Variants in DNAI3 observed in about 807,000 individuals in gnomAD.
The protein encoded by DNAI3 is dynein axonemal intermediate chain 3.
Under a neutral mutation model 115.5 loss-of-function variants are expected in DNAI3, and 83 were observed. The observed-to-expected ratio is 0.72, with a 90% CI of 0.60 to 0.86. The LOEUF (loss-of-function observed/expected upper bound fraction) is 0.86, where lower values mean the gene tolerates loss of function less well. Ranked by LOEUF, DNAI3 falls within the 40% of genes least tolerant of loss-of-function variation. The pLI is 0.00. For synonymous variants in DNAI3, 320 were observed against 347.0 expected, an observed-to-expected ratio of 0.92 and a Z score of 0.86; for missense variants, 1,004 against 1,075.8, an observed-to-expected ratio of 0.93 and a Z score of 0.93.
intron 17 of DNAI3, among the ~76,000 whole-genome samples, chr1:85,120,080 A>C (rs1028302821): frequency 6.6e-6 from 1 of 152,174 alleles, no homozygotes; most frequent in African/African-American, 2.4e-5. Flanking sequence ...CTCATCCCTC[A>C]ACAGATACTC....
In DNAI3 at chr1:85,078,913, G is replaced by T. The variant is rs998361436; in HGVS notation, c.104-2321G>T. ...AATTAGTGTGAAAGGATCATTTTTT[G>T]TGTGTGAAAAATATCAAGCCAGTAG... On this transcript the variant is annotated intron_variant, in intron 3 of 22. Coordinates refer to ENST00000294664, the MANE Select transcript of DNAI3 (RefSeq NM_145172.5). Among the ~76,000 whole-genome samples the T allele has an allele frequency of 1.2e-4, 18 of 152,312 alleles. 1 individual carries two copies. The highest frequency in any genetic ancestry group is 3.6e-4 in the African/African-American group (15 of 41,580).
chr1:85,069,198 C>A (rs577094500), intron 1 of DNAI3, among the ~76,000 whole-genome samples: 3 of 152,238 alleles, frequency 2.0e-5, no homozygotes, highest in Middle Eastern at 3.4e-3. Context: ...CTTAAATATG[C>A]CAGGCATGAT....
At chr1:85,126,738 A>G in intron 20 of DNAI3, 23 bp downstream of exon 20, 1 of 1,613,102 alleles carries the variant, frequency 6.2e-7, no homozygotes, top group Non-Finnish European at 8.5e-7. Context: ...TAACTAAATA[A>G]GCTAAGTCAT....
At chr1:85,095,858 C>T in intron 10 of DNAI3, 73 bp from the exon 11 acceptor site, 1 of 1,411,436 alleles carries the variant, frequency 7.1e-7, no homozygotes, top group Non-Finnish European at 1.0e-6. Context: ...TTTTAACTGT[C>T]TTAATATTAT....
chr1:85,105,290 G>T (rs189010181), intron 14 of DNAI3, among the ~76,000 whole-genome samples: 40 of 152,220 alleles, frequency 2.6e-4, no homozygotes, highest in Middle Eastern at 3.4e-3. Flanking sequence ...AGCATGTGTT[G>T]GGGAAGATTC....
chr1:85,064,771 G>A (rs1654042746), intron 1 of DNAI3, among the ~76,000 whole-genome samples: 3 of 152,030 alleles, frequency 2.0e-5, no homozygotes, highest in African/African-American at 4.8e-5. Flanking sequence ...AGTGACTCAC[G>A]CCTGTAATCC....
chr1:85,088,360 C>G (rs1654860113), intron 7 of DNAI3, among the ~76,000 whole-genome samples: 1 of 151,840 alleles, frequency 6.6e-6, no homozygotes. Flanking sequence ...ACAATTTTTT[C>G]AAAGAATTAA....
intron 8 of DNAI3, among the ~76,000 whole-genome samples, chr1:85,093,108 G>A (rs1456713822): frequency 6.6e-6 from 1 of 152,154 alleles, no homozygotes; most frequent in Non-Finnish European, 1.5e-5. Flanking sequence ...TACTCAGCAG[G>A]AGCTCCAGAG....
intron 1 of DNAI3, among the ~76,000 whole-genome samples, chr1:85,068,615 A>C (rs1203729931): frequency 1.3e-5 from 2 of 152,186 alleles, no homozygotes; most frequent in Non-Finnish European, 2.9e-5. Context: ...GTAACTTCTC[A>C]GCTCAAAACC....
At chr1:85,072,738 A>G (rs548331264) in intron 2 of DNAI3, among the ~76,000 whole-genome samples, 36 of 151,538 alleles carry the variant, frequency 2.4e-4, no homozygotes, top group African/African-American at 2.9e-4. Context: ...GACGGATCAC[A>G]AGGTCAGGAG....
At position 85,099,379 on chromosome 1, in the gene DNAI3, G is replaced by T. The variant is rs573685550; in HGVS notation, c.1479+721G>T. 78 of 657,070 alleles carry T rather than the reference G, an allele frequency of 1.2e-4. No individual in the cohort carries two copies. In the Middle Eastern group the frequency reaches 3.1e-3, roughly 26 times the overall value. The allele number at this position is 657,070 out of a possible 1,614,324, so 40.7% of individuals were successfully genotyped here. A position where few individuals can be genotyped will look rare whatever the true frequency, so the allele number is the denominator to read the frequency against. ...CATGAGTGAACTCCCATTCACAATTGCTTCAAAGAGAATAAAATACCTAGG... is the reference window on the plus strand; with the variant it reads ...CATGAGTGAACTCCCATTCACAATTTCTTCAAAGAGAATAAAATACCTAGG... On this transcript the variant is annotated intron_variant, in intron 13 of 22. Coordinates refer to ENST00000294664, the MANE Select transcript of DNAI3 (RefSeq NM_145172.5).
chr1:85,132,028 G>T lies in DNAI3; in HGVS notation c.2533-827G>T, dbSNP rs370213894. ...TCTCTGCAACTATGAATAGATTGTG[G>T]GTATGTGAATGAATTTGAAAGGGTT... is the stretch of plus-strand genomic sequence containing the variant. On this transcript the variant is annotated intron_variant, in intron 22 of 22. Transcript: ENST00000294664. 1.7e-4 allele frequency among the ~76,000 whole-genome samples: 26 copies of T among 152,212 alleles called. No homozygotes were observed. In the East Asian group the frequency reaches 5.0e-3, roughly 29 times the overall value.
At chr1:85,086,494 C>G (rs1322542277) in intron 7 of DNAI3, among the ~76,000 whole-genome samples, 1 of 152,178 alleles carries the variant, frequency 6.6e-6, no homozygotes, top group East Asian at 1.9e-4. Flanking sequence ...TGACGAGGAA[C>G]TGTCTGCCTC....
At chr1:85,118,135 CA>C (rs1201329164) in intron 17 of DNAI3, among the ~76,000 whole-genome samples, 1 of 152,064 alleles carries the variant, frequency 6.6e-6, no homozygotes, top group African/African-American at 2.4e-5. Context: ...ATACCTTTAT[CA>C]TTTGGAAGAA....
chr1:85,073,089 A>C lies in DNAI3; in HGVS notation c.100A>C (p.Met34Leu). 1 of 1,545,862 alleles carries C rather than the reference A, an allele frequency of 6.5e-7. No individual in the cohort carries two copies. The highest frequency in any genetic ancestry group is 8.7e-7 in the Non-Finnish European group (1 of 1,144,020). ...CATGGAACCAGTAAATATGGAGAGCATGGGTAAGTGGAAATATAATTTACA... is the reference window on the plus strand; with the variant it reads ...CATGGAACCAGTAAATATGGAGAGCCTGGGTAAGTGGAAATATAATTTACA... Reference protein sequence around the residue: ...EDMEPVNMESMGHPEIYPLVL... With the variant: ...EDMEPVNMESLGHPEIYPLVL... The change falls in exon 3 of 23, where the codon ATG (methionine) becomes CTG (leucine). Residue 34 changes from methionine to leucine, a missense_variant. By Grantham distance (15) the Met-to-Leu change is conservative. Around this residue, in one of 3 missense-constraint regions of DNAI3, gnomAD observed 550 missense variants for 568.1 expected, o/e 0.97. Coordinates refer to ENST00000294664, the MANE Select transcript of DNAI3 (RefSeq NM_145172.5).
At position 85,071,998 on chromosome 1, in the gene DNAI3, A is replaced by G. The variant is rs373932758; in HGVS notation, c.57A>G (p.Val19=). ...GTGGCAAAAAAAGACTAAAACCAGTATTAGCTGGTAGGAATATTTCTTCAT... is the reference window on the plus strand; with the variant it reads ...GTGGCAAAAAAAGACTAAAACCAGTGTTAGCTGGTAGGAATATTTCTTCAT... ...TSRGKKRLKP[V]LAASEDMEPV... The change falls in exon 2 of 23, where the codon GTA becomes GTG. Residue 19 remains valine (V), a synonymous_variant. Transcript: ENST00000294664. 6.3e-4 allele frequency: 1,021 copies of G among 1,610,924 alleles called. 1 individual carries two copies. The highest frequency in any genetic ancestry group is 8.3e-4 in the Non-Finnish European group (980 of 1,179,346).
At chr1:85,130,693 A>G (rs994642956) in intron 22 of DNAI3, among the ~76,000 whole-genome samples, 3 of 150,110 alleles carry the variant, frequency 2.0e-5, no homozygotes, top group African/African-American at 7.5e-5. Flanking sequence ...AGATAGATAG[A>G]TAGATAGATA....
intron 14 of DNAI3, among the ~76,000 whole-genome samples, chr1:85,105,315 A>G (rs1571185755): frequency 6.6e-6 from 1 of 152,204 alleles, no homozygotes; most frequent in East Asian, 1.9e-4. Context: ...ACTACAGGCA[A>G]TGAGAATTGA....
At chr1:85,124,654 C>A (rs531520245) in intron 19 of DNAI3, among the ~76,000 whole-genome samples, 118 of 152,250 alleles carry the variant, frequency 7.8e-4, no homozygotes, top group African/African-American at 2.7e-3. Flanking sequence ...TCTCAGCCTC[C>A]TGAGTAGCTG....
Sources: gnomAD v4.1 joint callset for allele counts (sites outside exome capture counted in the v4.1 genomes callset) on GRCh38, gnomAD v4.1.1 for gene constraint, gnomAD v4.1.1 regional missense constraint, MANE v1.5 for transcripts, NCBI Gene and HGNC (gene_info 2026-07-23, HGNC 2026-07-21) for gene names.